CR1: variants seen among roughly 807,000 people sequenced by gnomAD.
CR1 encodes the protein complement receptor type 1.
A neutral mutation model predicts 187.3 loss-of-function variants in CR1; 116 were observed. The ratio of observed to expected loss-of-function variants is 0.62; its 90% confidence interval spans 0.53 to 0.72. CR1 has a LOEUF of 0.72. CR1 is among the 30% of genes least tolerant of loss of function. The pLI is 0.00. For missense variants in CR1, 1,731 were observed against 2,110.7 expected, an observed-to-expected ratio of 0.82 and a Z score of 3.52; for synonymous variants, 576 against 747.1, an observed-to-expected ratio of 0.77 and a Z score of 3.73.
chr1:207,630,745 C>T (rs377646457), intron 46 of CR1, 124 bp downstream of exon 46: 27 of 566,196 alleles, frequency 4.8e-5, no homozygotes, highest in Middle Eastern at 3.3e-4. Flanking sequence ...GAAAGTACTT[C>T]AGGAGTTGGA....
intron 4 of CR1, among the ~76,000 whole-genome samples, chr1:207,516,890 G>C (rs1659824904): frequency 6.6e-6 from 1 of 152,022 alleles, no homozygotes; most frequent in Non-Finnish European, 1.5e-5. Context: ...CTATGAATCT[G>C]ACAAAGTTTT....
At chr1:207,600,135 C>T (rs1571580001) in intron 35 of CR1, among the ~76,000 whole-genome samples, 1 of 152,248 alleles carries the variant, frequency 6.6e-6, no homozygotes, top group East Asian at 1.9e-4. Flanking sequence ...TTTGATAAAA[C>T]TTCATTTACA....
Position 207,609,602 on chromosome 1 carries a change from A to T in CR1, c.6209A>T (p.Gln2070Leu). 6.2e-7 allele frequency: 1 copy of T among 1,613,044 alleles called. No individual in the cohort carries two copies. Among genetic ancestry groups the T allele is most frequent in the Non-Finnish European group, 8.5e-7 (1 of 1,179,484 alleles). The part of the protein sequence containing the change: ...TLTEIIRFRC[Q>L]PGFVMVGSHT... Reference sequence around the variant, plus strand: ...ACTGAGATCATCAGATTTAGATGTCAGCCCGGGTTTGTCATGGTAGGGTCC... The same window carrying T: ...ACTGAGATCATCAGATTTAGATGTCTGCCCGGGTTTGTCATGGTAGGGTCC... Residue 2070 changes from glutamine to leucine, a missense_variant, in exon 37 of 47, where the codon CAG (glutamine) becomes CTG (leucine). Transcript: ENST00000367049.
At chr1:207,638,650 A>G (rs1662887983) in intron 46 of CR1, among the ~76,000 whole-genome samples, 1 of 152,210 alleles carries the variant, frequency 6.6e-6, no homozygotes, top group Non-Finnish European at 1.5e-5. Context: ...ACCTTAATAT[A>G]AGGCAGGAGT....
At chr1:207,501,385 C>T (rs1487591907) in intron 1 of CR1, among the ~76,000 whole-genome samples, 1 of 152,150 alleles carries the variant, frequency 6.6e-6, no homozygotes, top group Non-Finnish European at 1.5e-5. Context: ...AAATACTCAT[C>T]AATCATTGTA....
At chr1:207,626,011 G>C (rs761249788) in intron 45 of CR1, among the ~76,000 whole-genome samples, 1 of 152,136 alleles carries the variant, frequency 6.6e-6, no homozygotes, top group Non-Finnish European at 1.5e-5. Context: ...TAGGTTTCAG[G>C]TCCTGAGCAA....
At chr1:207,619,036 CAAA>C (rs71727231) in intron 42 of CR1, among the ~76,000 whole-genome samples, 1 of 38,470 alleles carries the variant, frequency 2.6e-5, no homozygotes, top group South Asian at 1.1e-3. Flanking sequence ...GACTCCGTCT[CAAA>C]AAAAAAAAAA....
chr1:207,566,656 C>T lies in CR1; in HGVS notation c.3952+733C>T, dbSNP rs190505478. 2.0e-5 allele frequency among the ~76,000 whole-genome samples: 3 copies of T among 150,156 alleles called. No homozygotes were observed. In the East Asian group the frequency reaches 5.8e-4, roughly 29 times the overall value. ...ACTCCTTAAATTCTCAAAACATGTACCTAAATAATTTATGCTGAGAGATTC... is the reference window on the plus strand; with the variant it reads ...ACTCCTTAAATTCTCAAAACATGTATCTAAATAATTTATGCTGAGAGATTC... On this transcript the variant is annotated intron_variant, in intron 24 of 46. Coordinates refer to ENST00000367049, the MANE Select transcript of CR1 (RefSeq NM_000651.6).
intron 45 of CR1, among the ~76,000 whole-genome samples, chr1:207,626,808 C>A (rs1302302518): frequency 2.0e-5 from 3 of 152,218 alleles, no homozygotes; most frequent in Non-Finnish European, 4.4e-5. Flanking sequence ...GAGGCTGAGG[C>A]GGGTGGGTCA....
intron 28 of CR1, among the ~76,000 whole-genome samples, chr1:207,577,590 C>G (rs1381687855): frequency 1.3e-5 from 2 of 151,920 alleles, no homozygotes; most frequent in East Asian, 1.9e-4. Flanking sequence ...CCCAACATGG[C>G]CAAACCCCAT....
rs1018428485 is a variant in CR1 at position 207,618,022 on chromosome 1, T to C, written c.6890-49T>C. On this transcript the variant is annotated intron_variant, in intron 41 of 46. Transcript: ENST00000367049. ...ATGTGTTCATGTATTCATATGTCTATGTTTAACTGAGTGTCTTTTCTTGTG... is the reference window on the plus strand; with the variant it reads ...ATGTGTTCATGTATTCATATGTCTACGTTTAACTGAGTGTCTTTTCTTGTG... The C allele has an allele frequency of 3.8e-6, 6 of 1,581,034 alleles. No homozygotes were observed. The African/African-American group carries it at 5.4e-5, about 14-fold the overall frequency.
At chr1:207,501,583 T>C (rs1659271089) in intron 1 of CR1, among the ~76,000 whole-genome samples, 2 of 152,236 alleles carry the variant, frequency 1.3e-5, no homozygotes, top group Non-Finnish European at 2.9e-5. Context: ...TGAGCTATTA[T>C]ACAACTTTGC....
At chr1:207,590,218 G>A (rs1383929603) in intron 35 of CR1, among the ~76,000 whole-genome samples, 3 of 152,108 alleles carry the variant, frequency 2.0e-5, no homozygotes, top group Admixed American at 1.3e-4. Context: ...GAGAAAGGTC[G>A]GGTTACCTAC....
chr1:207,581,092 GA>G (rs986405358), intron 31 of CR1, among the ~76,000 whole-genome samples: 12 of 145,224 alleles, frequency 8.3e-5, no homozygotes, highest in African/African-American at 2.2e-4. Context: ...AAAAGATCTT[GA>G]AAAAAAAAGT....
chr1:207,580,176 T>G, intron 29 of CR1, 64 bp from the exon 30 acceptor site: 1 of 1,583,902 alleles, frequency 6.3e-7, no homozygotes, highest in South Asian at 1.2e-5. Flanking sequence ...AGCTATGAGG[T>G]CTTCAGGAAG....
intron 1 of CR1, among the ~76,000 whole-genome samples, chr1:207,504,372 C>G: frequency 1.3e-5 from 2 of 152,098 alleles, no homozygotes; most frequent in Middle Eastern, 6.8e-3. Context: ...AAGAAGGTTG[C>G]TCTACCATAA....
At chr1:207,587,644 A>G in intron 34 of CR1, 79 bp downstream of exon 34, 1 of 1,391,824 alleles carries the variant, frequency 7.2e-7, no homozygotes, top group Non-Finnish European at 9.7e-7. Context: ...CACGCCTGTA[A>G]TCCCATCACT....
At chr1:207,612,448 T>C (rs1322099275) in intron 39 of CR1, among the ~76,000 whole-genome samples, 2 of 152,220 alleles carry the variant, frequency 1.3e-5, no homozygotes, top group African/African-American at 2.4e-5. Flanking sequence ...AACCAATCAA[T>C]AGTGGAATCT....
chr1:207,581,412 A>G (rs2102344995), intron 31 of CR1, among the ~76,000 whole-genome samples: 1 of 150,706 alleles, frequency 6.6e-6, no homozygotes, highest in African/African-American at 2.4e-5. Flanking sequence ...ATATACATAT[A>G]TATGGAACAT....
Sources: allele counts gnomAD v4.1 joint callset (sites outside exome capture counted in the v4.1 genomes callset), GRCh38; gene constraint gnomAD v4.1.1; transcripts MANE v1.5; gene names NCBI Gene and HGNC (gene_info 2026-07-23, HGNC 2026-07-21).